Variants in CTNNA2 observed in about 807,000 individuals in gnomAD.
CTNNA2 encodes the protein catenin alpha 2, also known as catenin alpha-2.
Under a neutral mutation model 101.0 loss-of-function variants are expected in CTNNA2, and 42 were observed. That is an observed-to-expected ratio of 0.42 (90% CI 0.32 to 0.54). The LOEUF is 0.54. Ranked by LOEUF, CTNNA2 falls within the 20% of genes least tolerant of loss-of-function variation. The probability of loss-of-function intolerance (pLI) is 0.14; values close to 1 mark genes in which losing one functional copy is unlikely to be tolerated. For missense variants in CTNNA2, 871 were observed against 1,223.1 expected, an observed-to-expected ratio of 0.71 and a Z score of 4.29; for synonymous variants, 450 against 456.4, an observed-to-expected ratio of 0.99 and a Z score of 0.18.
chr2:79,806,029 T>G (rs1676546454), intron 3 of CTNNA2, among the ~76,000 whole-genome samples: 1 of 152,108 alleles, frequency 6.6e-6, no homozygotes, highest in Non-Finnish European at 1.5e-5. Context: ...TCAACATGAC[T>G]TTTGCATGTA....
At chr2:79,542,136 A>G (rs1293369944) in intron 1 of CTNNA2, among the ~76,000 whole-genome samples, 1 of 152,026 alleles carries the variant, frequency 6.6e-6, no homozygotes, top group Non-Finnish European at 1.5e-5. Flanking sequence ...TATTGTGTGA[A>G]TGTTCTCAGC....
At chr2:79,504,292 GT>G (rs1671365196) in intron 4 of CTNNA2, among the ~76,000 whole-genome samples, 1 of 151,174 alleles carries the variant, frequency 6.6e-6, no homozygotes, top group Non-Finnish European at 1.5e-5. Flanking sequence ...ATCTTTTTTT[GT>G]TTGTTTGTTT....
chr2:79,997,985 T>C (rs1003336454), intron 7 of CTNNA2, among the ~76,000 whole-genome samples: 11 of 152,192 alleles, frequency 7.2e-5, no homozygotes, highest in African/African-American at 2.4e-4. Context: ...GATAAATAGT[T>C]AACCGAGACT....
At chr2:79,216,812 AG>A (rs1240644776) in intron 2 of CTNNA2, among the ~76,000 whole-genome samples, 3 of 151,714 alleles carry the variant, frequency 2.0e-5, no homozygotes, top group Non-Finnish European at 4.4e-5. Flanking sequence ...CATGGAGAGA[AG>A]GGGTTGGGGG....
At position 80,165,989 on chromosome 2, in the gene CTNNA2, C is replaced by G. The variant is rs1044223714; in HGVS notation, c.1057-227222C>G. Among the ~76,000 whole-genome samples, 5 of 152,218 alleles carry G rather than the reference C, an allele frequency of 3.3e-5. No individual in the cohort carries two copies. In the East Asian group the frequency reaches 9.7e-4, roughly 29 times the overall value. On this transcript the variant is annotated intron_variant, in intron 7 of 18. Coordinates refer to ENST00000402739, the MANE Select transcript of CTNNA2 (RefSeq NM_001282597.3). ...GGTGTTTACCTAAAGTGGCTATTAT[C>G]TAAAATTTTTCTACATTAACAGGCT...
intron 7 of CTNNA2, among the ~76,000 whole-genome samples, chr2:80,020,255 T>C (rs1694459658): frequency 6.6e-6 from 1 of 152,178 alleles, no homozygotes; most frequent in Non-Finnish European, 1.5e-5. Context: ...GACACTGGAA[T>C]GGAGTCTGTT....
intron 2 of CTNNA2, among the ~76,000 whole-genome samples, chr2:79,279,297 G>A (rs545481324): frequency 6.6e-6 from 1 of 152,224 alleles, no homozygotes; most frequent in Admixed American, 6.5e-5. Flanking sequence ...GAAGGCAGGA[G>A]TGGATGGTAT....
Position 79,311,408 on chromosome 2 carries a change from C to CAAA in CTNNA2, c.-405-1281_-405-1279dup, listed in dbSNP as rs753633073. On this transcript the variant is annotated intron_variant, in intron 2 of 21. Coordinates refer to the CTNNA2 transcript ENST00000466387. ...TGGGCGACAGGGCTAGACTCCGTCT[C>CAAA]AAAAAAAAAAAAAAAAAAAAAAGAG... Among the ~76,000 whole-genome samples, 137 of 66,878 alleles carry CAAA rather than the reference C, an allele frequency of 2.0e-3. 2 individuals carry two copies. The highest frequency in any genetic ancestry group is 0.016 in the East Asian group (35 of 2,194). The allele number at this position is 66,878 out of a possible 152,430, so 43.9% of individuals were successfully genotyped here.
chr2:79,226,991 CAA>C (rs5832369), intron 2 of CTNNA2, among the ~76,000 whole-genome samples: 17 of 151,214 alleles, frequency 1.1e-4, no homozygotes, highest in South Asian at 2.1e-4. Flanking sequence ...AAATTTCCTC[CAA>C]AAAAAAAAAT....
At chr2:79,943,414 G>C (rs1241710216) in intron 7 of CTNNA2, among the ~76,000 whole-genome samples, 1 of 152,128 alleles carries the variant, frequency 6.6e-6, no homozygotes, top group Admixed American at 6.5e-5. Flanking sequence ...AAAAAAAGAA[G>C]TCCAGAGACA....
intron 8 of CTNNA2, among the ~76,000 whole-genome samples, chr2:80,402,772 T>G (rs1427481994): frequency 6.8e-6 from 1 of 147,994 alleles, no homozygotes; most frequent in Non-Finnish European, 1.5e-5. Context: ...TAATTTATAA[T>G]ATATAAATTA....
At chr2:79,413,922 T>C (rs936225349) in intron 4 of CTNNA2, among the ~76,000 whole-genome samples, 1 of 138,366 alleles carries the variant, frequency 7.2e-6, no homozygotes, top group Non-Finnish European at 1.6e-5. Flanking sequence ...TTTCTTACTA[T>C]TGAGCTGAAT....
At chr2:80,178,157 T>C (rs1199682197) in intron 7 of CTNNA2, among the ~76,000 whole-genome samples, 10 of 152,352 alleles carry the variant, frequency 6.6e-5, no homozygotes, top group Admixed American at 4.6e-4. Context: ...ACCATGGGCA[T>C]CTGAGCCATT....
At chr2:79,558,022 T>G (rs889385971) in intron 1 of CTNNA2, among the ~76,000 whole-genome samples, 4 of 151,958 alleles carry the variant, frequency 2.6e-5, no homozygotes, top group Non-Finnish European at 5.9e-5. Context: ...ACATAGAGAT[T>G]TATACATACG....
intron 1 of CTNNA2, among the ~76,000 whole-genome samples, chr2:79,191,220 A>T (rs11889977): frequency 0.21 from 32,425 of 152,098 alleles, 4,399 homozygotes; most frequent in African/African-American, 0.39. Flanking sequence ...ACTTTAAATA[A>T]TCAGAACAAA....
At chr2:79,870,134 A>G (rs942004303) in intron 5 of CTNNA2, among the ~76,000 whole-genome samples, 199 bp downstream of exon 5, 2 of 152,162 alleles carry the variant, frequency 1.3e-5, no homozygotes, top group Admixed American at 6.5e-5. Flanking sequence ...GCCCCCACCT[A>G]TAAGCAGGCC....
intron 7 of CTNNA2, among the ~76,000 whole-genome samples, chr2:80,094,281 G>C (rs1334133445): frequency 1.3e-5 from 2 of 151,942 alleles, no homozygotes; most frequent in African/African-American, 4.8e-5. Context: ...CCCATTGCTT[G>C]TTTTTCTCAG....
At chr2:80,550,623 A>G (rs1692481263) in intron 11 of CTNNA2, among the ~76,000 whole-genome samples, 1 of 152,218 alleles carries the variant, frequency 6.6e-6, no homozygotes, top group African/African-American at 2.4e-5. Flanking sequence ...ATAGCTAGGG[A>G]TAGATTACAT....
rs541121579 is a variant in CTNNA2, at chr2:80,134,555, T to G, written c.1056+224758T>G. On this transcript the variant is annotated intron_variant, in intron 7 of 18. Coordinates refer to ENST00000402739, the MANE Select transcript of CTNNA2 (RefSeq NM_001282597.3). The stretch of plus-strand genomic sequence containing the variant: ...TTCTGAGGGCAGACAGAAGAGGAAG[T>G]GGGTATTATTCAGATGCACAGGGCA... Among the ~76,000 whole-genome samples the G allele has an allele frequency of 4.6e-5, 7 of 152,126 alleles. No homozygotes were observed. The East Asian group carries it at 1.4e-3, about 29-fold the overall frequency.
Sources: gnomAD v4.1 joint callset for allele counts (sites outside exome capture counted in the v4.1 genomes callset) on GRCh38, gnomAD v4.1.1 for gene constraint, MANE v1.5 for transcripts, NCBI Gene and HGNC (gene_info 2026-07-23, HGNC 2026-07-21) for gene names.